The following ZNF385D variants were observed in gnomAD, a reference collection of about 807,000 sequenced individuals.
The protein encoded by ZNF385D is zinc finger protein 385D.
ZNF385D carries 15 observed loss-of-function variants against 35.8 expected under a neutral mutation model. The observed-to-expected ratio is 0.42, with a 90% CI of 0.28 to 0.64. ZNF385D has a LOEUF of 0.64. Among genes scored for constraint, ZNF385D ranks in the 30% least tolerant of loss-of-function variants. ZNF385D has a pLI of 0.23. For missense variants in ZNF385D, 474 were observed against 494.6 expected, an observed-to-expected ratio of 0.96 and a Z score of 0.39; for synonymous variants, 212 against 186.8, an observed-to-expected ratio of 1.13 and a Z score of -1.10.
chr3:21,779,807 T>C (rs1041007361), intron 3 of ZNF385D, among the ~76,000 whole-genome samples: 3 of 152,064 alleles, frequency 2.0e-5, no homozygotes, highest in Non-Finnish European at 4.4e-5. Flanking sequence ...TTGCTGAGTA[T>C]GGCTTTAGAT....
chr3:22,064,908 TA>T (rs1419396436), intron 3 of ZNF385D, among the ~76,000 whole-genome samples: 1 of 152,110 alleles, frequency 6.6e-6, no homozygotes, highest in Non-Finnish European at 1.5e-5. Flanking sequence ...ATTGTATATT[TA>T]AAAAAATGTT....
At chr3:22,185,970 C>T (rs1452933498) in intron 2 of ZNF385D, among the ~76,000 whole-genome samples, 3 of 150,824 alleles carry the variant, frequency 2.0e-5, no homozygotes, top group Admixed American at 6.6e-5. Flanking sequence ...TAGATCTCTA[C>T]TCAACTCATG....
chr3:21,988,228 G>A lies in ZNF385D; in HGVS notation c.325+180589C>T, dbSNP rs1228038506. ...TGCTGGTGAGGAACTGCGTTCCTTTGGAGGAGGAGAGGCGCTCTGCGTTTT... is the reference window on the plus strand; with the variant it reads ...TGCTGGTGAGGAACTGCGTTCCTTTAGAGGAGGAGAGGCGCTCTGCGTTTT... On this transcript the variant is annotated intron_variant, in intron 3 of 5. Coordinates refer to the ZNF385D transcript ENST00000494108. Among the ~76,000 whole-genome samples, 21 of 126,956 alleles carry A rather than the reference G, an allele frequency of 1.7e-4. 1 individual carries two copies. The highest frequency in any genetic ancestry group is 1.5e-3 in the Admixed American group (20 of 13,474). The allele number at this position is 126,956 out of a possible 152,430, so 83.3% of individuals were successfully genotyped here.
intron 2 of ZNF385D, among the ~76,000 whole-genome samples, chr3:21,638,781 G>A (rs1347865755): frequency 1.3e-5 from 2 of 152,062 alleles, no homozygotes; most frequent in Non-Finnish European, 2.9e-5. Context: ...TCTACATCTT[G>A]TAATACTCAG....
In ZNF385D at chr3:21,539,471, A is replaced by C. The variant is rs753872157; in HGVS notation, c.276+25103T>G. On this transcript the variant is annotated intron_variant, in intron 3 of 7. Transcript: ENST00000281523. This position sits in a 1 kb window ranked among gnomAD's most constrained non-coding sequence, Gnocchi z 4.0. Reference sequence around the variant, plus strand: ...CCATAAAAGAAATTTTAATTTTTGTAATTAGGCCTTTTAATAGAAGGACAT... The same window carrying C: ...CCATAAAAGAAATTTTAATTTTTGTCATTAGGCCTTTTAATAGAAGGACAT... 1.1e-4 allele frequency among the ~76,000 whole-genome samples: 16 copies of C among 152,322 alleles called. No homozygotes were observed. The highest frequency in any genetic ancestry group is 2.4e-4 in the Non-Finnish European group (16 of 68,012).
intron 2 of ZNF385D, among the ~76,000 whole-genome samples, chr3:22,337,047 C>T (rs1160255488): frequency 6.6e-6 from 1 of 150,760 alleles, no homozygotes; most frequent in Non-Finnish European, 1.5e-5. Context: ...CATTCATTTA[C>T]CTGCTGTCAA....
rs144521609 is a variant in ZNF385D, at chr3:21,615,793, A to AGTGTGT, written c.165+49087_165+49092dup. Among the ~76,000 whole-genome samples, 255 of 145,350 alleles carry AGTGTGT rather than the reference A, an allele frequency of 1.8e-3. 1 individual carries two copies. Among genetic ancestry groups the AGTGTGT allele is most frequent in the African/African-American group, 6.3e-3 (243 of 38,838 alleles). ...ATGACTGCAAAGAAAATGGAGAAAG[A>AGTGTGT]GTGTGTGTGTGTGTGTGTGTGTGTT... On this transcript the variant is annotated intron_variant, in intron 2 of 7. Transcript: ENST00000281523.
intron 2 of ZNF385D, among the ~76,000 whole-genome samples, chr3:22,294,555 T>C (rs931685463): frequency 2.0e-5 from 3 of 152,108 alleles, no homozygotes; most frequent in African/African-American, 4.8e-5. Context: ...AATGGATATA[T>C]TGATTTCATT....
intron 3 of ZNF385D, among the ~76,000 whole-genome samples, chr3:22,004,653 G>T (rs2125421931): frequency 6.6e-6 from 1 of 152,188 alleles, no homozygotes; most frequent in Admixed American, 6.5e-5. Flanking sequence ...CCCTCACAAG[G>T]AATTTCCTTG....
chr3:21,698,520 G>C (rs2067551981), intron 1 of ZNF385D, among the ~76,000 whole-genome samples: 1 of 152,042 alleles, frequency 6.6e-6, no homozygotes, highest in Non-Finnish European at 1.5e-5. Flanking sequence ...TCACTACTTG[G>C]TTGATGGATA....
chr3:21,652,369 A>G (rs1438408761), intron 2 of ZNF385D, among the ~76,000 whole-genome samples: 1 of 152,220 alleles, frequency 6.6e-6, no homozygotes, highest in Non-Finnish European at 1.5e-5. Flanking sequence ...GTCAGATAAT[A>G]CAAACAAGTG....
chr3:22,306,553 C>G (rs996613768), intron 2 of ZNF385D, among the ~76,000 whole-genome samples: 1 of 152,124 alleles, frequency 6.6e-6, no homozygotes, highest in Admixed American at 6.6e-5. Flanking sequence ...AAGACACTGC[C>G]GTCTATGCAG....
intron 3 of ZNF385D, among the ~76,000 whole-genome samples, chr3:22,088,717 A>G (rs751638965): frequency 6.6e-6 from 1 of 152,182 alleles, no homozygotes. Context: ...AAACAACAAC[A>G]AACTAACAAA....
At chr3:22,014,286 T>C (rs1354606580) in intron 3 of ZNF385D, among the ~76,000 whole-genome samples, 1 of 151,908 alleles carries the variant, frequency 6.6e-6, no homozygotes, top group East Asian at 1.9e-4. Context: ...ACTGAATCAC[T>C]GTATGGGAAG....
chr3:22,041,655 T>C (rs711687), intron 3 of ZNF385D, among the ~76,000 whole-genome samples: 79,900 of 151,876 alleles, frequency 0.53, 21,945 homozygotes, highest in East Asian at 0.72. Flanking sequence ...GTATATTGTT[T>C]ACAGCAATAG....
At chr3:21,664,605 C>T (rs2066344864) in intron 2 of ZNF385D, among the ~76,000 whole-genome samples, 2 of 152,138 alleles carry the variant, frequency 1.3e-5, no homozygotes, top group African/African-American at 4.8e-5. Flanking sequence ...TGTATACCTA[C>T]AAAGCTATAG....
intron 4 of ZNF385D, among the ~76,000 whole-genome samples, chr3:21,461,786 G>A (rs910241865): frequency 6.6e-6 from 1 of 152,196 alleles, no homozygotes; most frequent in African/African-American, 2.4e-5. Flanking sequence ...TGCTCATGGA[G>A]AGGATATGGA....
intron 3 of ZNF385D, among the ~76,000 whole-genome samples, chr3:21,982,042 T>C (rs1024834364): frequency 6.6e-6 from 1 of 151,786 alleles, no homozygotes; most frequent in South Asian, 2.1e-4. Context: ...CCTTGGCTAT[T>C]TGGGCTCTTT....
chr3:22,351,008 A>G (rs1695890305), intron 2 of ZNF385D, among the ~76,000 whole-genome samples: 1 of 152,018 alleles, frequency 6.6e-6, no homozygotes, highest in African/African-American at 2.4e-5. Flanking sequence ...GATTCAATAG[A>G]CCCGCTTCCC....
Sources: gnomAD v4.1 joint callset for allele counts (sites outside exome capture counted in the v4.1 genomes callset) on GRCh38, gnomAD v4.1.1 for gene constraint, Gnocchi (gnomAD v3.1) non-coding constraint, MANE v1.5 for transcripts, NCBI Gene and HGNC (gene_info 2026-07-23, HGNC 2026-07-21) for gene names.